Variants in TBC1D31 observed in about 807,000 individuals in gnomAD.
The protein encoded by TBC1D31 is TBC1 domain family member 31.
Under a neutral mutation model 132.9 loss-of-function variants are expected in TBC1D31, and 99 were observed. That is an observed-to-expected ratio of 0.74 (90% confidence interval 0.63 to 0.88). The LOEUF is 0.88. Among genes scored for constraint, TBC1D31 ranks in the 40% least tolerant of loss-of-function variants. The pLI, the probability that TBC1D31 is intolerant of heterozygous loss-of-function variation, is 0.00. For synonymous variants in TBC1D31, 385 were observed against 419.4 expected, an observed-to-expected ratio of 0.92 and a Z score of 1.00; for missense variants, 1,134 against 1,256.6, an observed-to-expected ratio of 0.90 and a Z score of 1.48.
At chr8:123,144,902 C>A (rs1822043679) in intron 20 of TBC1D31, 47 bp downstream of exon 20, 2 of 1,513,988 alleles carry the variant, frequency 1.3e-6, no homozygotes, top group Non-Finnish European at 1.8e-6. Flanking sequence ...CAGATTTATT[C>A]TTTTAGTAGG....
At chr8:123,142,516 A>AG in intron 19 of TBC1D31, 60 bp downstream of exon 19, 1 of 1,305,546 alleles carries the variant, frequency 7.7e-7, no homozygotes, top group Non-Finnish European at 1.0e-6. Flanking sequence ...TTTTTTTTAA[A>AG]AGACAGAGTC....
chr8:123,129,904 T>C (rs1317919189), intron 15 of TBC1D31, among the ~76,000 whole-genome samples: 1 of 152,240 alleles, frequency 6.6e-6, no homozygotes, highest in African/African-American at 2.4e-5. Flanking sequence ...GCCCAATAGT[T>C]GGGAAACTCA....
At chr8:123,128,629 C>A (rs1563737088) in intron 14 of TBC1D31, 116 bp downstream of exon 14, 2 of 788,194 alleles carry the variant, frequency 2.5e-6, no homozygotes, top group Non-Finnish European at 4.0e-6. Flanking sequence ...ATAGTCCCAG[C>A]ACTTTGGGAG....
At chr8:123,148,339 C>T (rs903841674) in intron 20 of TBC1D31, among the ~76,000 whole-genome samples, 2 of 152,124 alleles carry the variant, frequency 1.3e-5, no homozygotes, top group African/African-American at 4.8e-5. Context: ...AAAAGGTAAT[C>T]ATTAGTTGTT....
chr8:123,160,721 A>G, the TBC1D31 span, among the ~76,000 whole-genome samples: 1 of 152,112 alleles, frequency 6.6e-6, no homozygotes. Context: ...CCCGATCCCC[A>G]CGCCAAGGTG....
intron 2 of TBC1D31, among the ~76,000 whole-genome samples, chr8:123,079,872 T>G (rs1294962584): frequency 7.1e-6 from 1 of 141,684 alleles, no homozygotes; most frequent in East Asian, 2.1e-4. Flanking sequence ...CTCATTACCT[T>G]ATTCATAAAA....
intron 7 of TBC1D31, among the ~76,000 whole-genome samples, chr8:123,101,407 G>C (rs1022578794): frequency 3.3e-5 from 5 of 151,544 alleles, no homozygotes; most frequent in Non-Finnish European, 7.4e-5. Flanking sequence ...TTTTTGTTTT[G>C]TTTTTGTTTT....
Position 123,084,345 on chromosome 8 carries a change from G to A in TBC1D31, c.519+5G>A, listed in dbSNP as rs772993150. ...CAGTCTGTGGGTATACAGAAGGTCA[G>A]TGAGGGGGTACATCTTGGTCTGTTG... is the stretch of plus-strand genomic sequence containing the variant. On this transcript the variant is annotated splice_donor_5th_base_variant and intron_variant, in intron 4 of 21. Coordinates refer to ENST00000287380, the MANE Select transcript of TBC1D31 (RefSeq NM_145647.4). The A allele has an allele frequency of 3.1e-6, 5 of 1,613,720 alleles. No homozygotes were observed. Among genetic ancestry groups the A allele is most frequent in the Middle Eastern group, 1.7e-4 (1 of 6,060 alleles).
rs923627073 is a variant in TBC1D31 at position 123,100,581 on chromosome 8, C to CAAT, written c.832-205_832-203dup. The stretch of plus-strand genomic sequence containing the variant: ...ACAAGAGTAAAATTCCATCTCAAAA[C>CAAT]AATAATAATAATAATAATAATAAAA... On this transcript the variant is annotated intron_variant, in intron 6 of 21. Transcript: ENST00000287380. Among the ~76,000 whole-genome samples the CAAT allele has an allele frequency of 7.7e-3, 1,158 of 150,228 alleles. 17 individuals are homozygous for CAAT. The highest frequency in any genetic ancestry group is 0.024 in the African/African-American group (999 of 40,974).
At position 123,076,574 on chromosome 8, in the gene TBC1D31, A is replaced by G. The variant is rs1256394691; in HGVS notation, c.78-537A>G. ...GAGTGTCTTTTGTGTGTTGTAGGCC[A>G]GGTGCTGGGGTACAGTAATGAGCAA... On this transcript the variant is annotated intron_variant, in intron 1 of 21. Coordinates refer to ENST00000287380, the MANE Select transcript of TBC1D31 (RefSeq NM_145647.4). 2.0e-5 allele frequency among the ~76,000 whole-genome samples: 3 copies of G among 152,260 alleles called. No individual in the cohort carries two copies. The East Asian group carries it at 5.8e-4, about 29-fold the overall frequency.
chr8:123,155,442 A>G (rs1348949979), downstream of TBC1D31, among the ~76,000 whole-genome samples: 2 of 152,218 alleles, frequency 1.3e-5, no homozygotes, highest in Admixed American at 1.3e-4. This position sits in a 1 kb window ranked among gnomAD's most constrained non-coding sequence, Gnocchi z 4.1. Context: ...AGTAAAGGGC[A>G]GCAGGGCGGT....
intron 4 of TBC1D31, among the ~76,000 whole-genome samples, chr8:123,092,110 G>C (rs943606462): frequency 6.6e-6 from 1 of 152,094 alleles, no homozygotes; most frequent in Non-Finnish European, 1.5e-5. Flanking sequence ...CACCCTCCAG[G>C]TTCAAGTGAT....
chr8:123,140,416 G>A (rs1205381010), intron 17 of TBC1D31, among the ~76,000 whole-genome samples: 1 of 152,132 alleles, frequency 6.6e-6, no homozygotes, highest in African/African-American at 2.4e-5. Flanking sequence ...CAGGAAAAAT[G>A]CAAGATGAAA....
At chr8:123,159,281 A>AG in the TBC1D31 span, among the ~76,000 whole-genome samples, 7 of 119,270 alleles carry the variant, frequency 5.9e-5, no homozygotes, top group African/African-American at 2.3e-4. Context: ...AAAAAAAAAA[A>AG]AAGAAAAAGA....
Position 123,134,110 on chromosome 8 carries a change from A to G in TBC1D31, c.2407-4A>G, listed in dbSNP as rs1348375927. ...GGTATTTACAGTTTGTTGTTTGGCC[A>G]TAGGTATATATGAGAGATCGAGAAA... is the stretch of plus-strand genomic sequence containing the variant. On this transcript the variant is annotated splice_region_variant and splice_polypyrimidine_tract_variant and intron_variant, in intron 16 of 21. Transcript: ENST00000287380. 6.2e-7 allele frequency: 1 copy of G among 1,607,650 alleles called. No homozygotes were observed. The highest frequency in any genetic ancestry group is 1.7e-5 in the Admixed American group (1 of 59,614).
chr8:123,109,036 A>G (rs1016166703), intron 8 of TBC1D31, among the ~76,000 whole-genome samples: 1 of 152,112 alleles, frequency 6.6e-6, no homozygotes, highest in Non-Finnish European at 1.5e-5. Context: ...TCAAGATGAG[A>G]TTTGGGTGGG....
At chr8:123,156,602 C>T (rs1000494153), downstream of TBC1D31, among the ~76,000 whole-genome samples, 9 of 152,128 alleles carry the variant, frequency 5.9e-5, no homozygotes, top group Non-Finnish European at 1.0e-4. Context: ...GCTGAGTTAT[C>T]AAGAACGTAG....
intron 4 of TBC1D31, among the ~76,000 whole-genome samples, chr8:123,090,707 C>A (rs534550684): frequency 1.3e-3 from 199 of 152,210 alleles, no homozygotes; most frequent in African/African-American, 4.6e-3. Context: ...CCAAGGCAGG[C>A]GGATCACTTG....
chr8:123,077,499 T>C (rs571205789), intron 2 of TBC1D31, among the ~76,000 whole-genome samples: 93 of 152,012 alleles, frequency 6.1e-4, no homozygotes, highest in African/African-American at 2.1e-3. Context: ...AGTTTCCTTT[T>C]TTTTTTCTTA....
Sources: gnomAD v4.1 joint callset for allele counts (sites outside exome capture counted in the v4.1 genomes callset) on GRCh38, gnomAD v4.1.1 for gene constraint, Gnocchi (gnomAD v3.1) non-coding constraint, MANE v1.5 for transcripts, NCBI Gene and HGNC (gene_info 2026-07-23, HGNC 2026-07-21) for gene names.